The following PXDNL variants were observed in gnomAD, a reference collection of about 807,000 sequenced individuals.
PXDNL encodes the protein probable oxidoreductase PXDNL.
PXDNL carries 145 observed loss-of-function variants against 150.8 expected under a neutral mutation model. That is an observed-to-expected ratio of 0.96 (90% CI 0.84 to 1.10). PXDNL has a LOEUF of 1.10. Among genes scored for constraint, PXDNL ranks in the 50% least tolerant of loss-of-function variants. The pLI, the probability that PXDNL is intolerant of heterozygous loss-of-function variation, is 0.00. For synonymous variants in PXDNL, 757 were observed against 725.7 expected, an observed-to-expected ratio of 1.04 and a Z score of -0.69; for missense variants, 2,087 against 1,873.9, an observed-to-expected ratio of 1.11 and a Z score of -2.10.
chr8:51,452,528 A>C (rs1359066012), intron 10 of PXDNL, among the ~76,000 whole-genome samples: 2 of 152,186 alleles, frequency 1.3e-5, no homozygotes, highest in African/African-American at 4.8e-5. Context: ...ATGCAGGAAG[A>C]CTAGGCTGGA....
At chr8:51,429,221 C>T (rs2129783410) in intron 12 of PXDNL, among the ~76,000 whole-genome samples, 1 of 152,246 alleles carries the variant, frequency 6.6e-6, no homozygotes, top group East Asian at 1.9e-4. Context: ...ATTACTCATA[C>T]ATTGTTGGTG....
intron 21 of PXDNL, among the ~76,000 whole-genome samples, chr8:51,337,241 T>C (rs970763181): frequency 6.6e-6 from 1 of 152,180 alleles, no homozygotes; most frequent in Non-Finnish European, 1.5e-5. Flanking sequence ...AAATACACAA[T>C]TATCACCACC....
At position 51,345,805 on chromosome 8, in the gene PXDNL, T is replaced by G. The variant is rs1010078593; in HGVS notation, c.4016+28A>C. The G allele has an allele frequency of 6.3e-6, 9 of 1,420,716 alleles. No homozygotes were observed. In the Admixed American group the frequency reaches 7.0e-5, roughly 11 times the overall value. 88.0% of individuals were successfully genotyped at this position (1,420,716 alleles called of 1,614,324 possible). On this transcript the variant is annotated intron_variant, in intron 20 of 22. Coordinates refer to ENST00000356297, the MANE Select transcript of PXDNL (RefSeq NM_144651.5). ...TGAAGCAAATCTATAGTAAGTTGCC[T>G]AAAGAAATGAGATATTTCTATACAT...
chr8:51,627,962 C>G (rs969323458), intron 2 of PXDNL, among the ~76,000 whole-genome samples: 3 of 152,152 alleles, frequency 2.0e-5, no homozygotes, highest in Non-Finnish European at 4.4e-5. Context: ...AAAGCAGCAG[C>G]CATTCCTCAA....
intron 19 of PXDNL, among the ~76,000 whole-genome samples, chr8:51,362,523 C>T (rs1359705902): frequency 6.6e-6 from 1 of 152,178 alleles, no homozygotes; most frequent in African/African-American, 2.4e-5. Flanking sequence ...ACAAGTCAAA[C>T]CTTTTTTAAA....
chr8:51,485,763 T>C (rs1001304585), intron 5 of PXDNL, among the ~76,000 whole-genome samples: 8 of 152,184 alleles, frequency 5.3e-5, no homozygotes, highest in African/African-American at 1.9e-4. Flanking sequence ...CCTATACCTA[T>C]CACCATGGTC....
intron 2 of PXDNL, among the ~76,000 whole-genome samples, chr8:51,617,013 C>G (rs1231819112): frequency 6.6e-6 from 1 of 151,978 alleles, no homozygotes; most frequent in Non-Finnish European, 1.5e-5. Flanking sequence ...AGAATCAGAA[C>G]CTGCAGATTC....
rs142879615 is a variant in PXDNL at position 51,699,542 on chromosome 8, G to A, written c.165-44782C>T. 4.9e-4 allele frequency among the ~76,000 whole-genome samples: 74 copies of A among 152,296 alleles called. 1 individual carries two copies. Among genetic ancestry groups the A allele is most frequent in the African/African-American group, 1.1e-3 (47 of 41,558 alleles). On this transcript the variant is annotated intron_variant, in intron 1 of 22. Coordinates refer to ENST00000356297, the MANE Select transcript of PXDNL (RefSeq NM_144651.5). ...CAATAAGGCTGTTTCGCTTATTCAT[G>A]TGTTCACTGGAGTAGCACTTTTAGT...
intron 4 of PXDNL, among the ~76,000 whole-genome samples, chr8:51,551,098 A>C (rs1812470578): frequency 6.8e-6 from 1 of 146,924 alleles, no homozygotes; most frequent in Non-Finnish European, 1.5e-5. Flanking sequence ...AACAAACAAA[A>C]ACCTTACGAA....
At chr8:51,339,859 T>C in intron 20 of PXDNL, 106 bp from the exon 21 acceptor site, 1 of 1,069,924 alleles carries the variant, frequency 9.3e-7, no homozygotes, top group Non-Finnish European at 1.3e-6. Context: ...CAAGGCATTG[T>C]GATTGGTGTT....
intron 17 of PXDNL, among the ~76,000 whole-genome samples, chr8:51,401,037 C>T (rs1002479651): frequency 5.3e-5 from 8 of 152,168 alleles, no homozygotes; most frequent in African/African-American, 1.9e-4. Context: ...GTGCTAGGCC[C>T]TGGACTGAAC....
intron 3 of PXDNL, among the ~76,000 whole-genome samples, chr8:51,562,715 C>T (rs1477465731): frequency 1.3e-5 from 2 of 151,920 alleles, no homozygotes; most frequent in Non-Finnish European, 2.9e-5. Flanking sequence ...AGAGTCTGTA[C>T]CCTCATTTCC....
At chr8:51,338,307 G>A (rs1454311969) in intron 21 of PXDNL, among the ~76,000 whole-genome samples, 1 of 152,036 alleles carries the variant, frequency 6.6e-6, no homozygotes, top group African/African-American at 2.4e-5. Flanking sequence ...GCTTCCCAAT[G>A]TGAGCCTCTC....
At chr8:51,574,225 C>A (rs78373891) in intron 3 of PXDNL, among the ~76,000 whole-genome samples, 3,424 of 151,808 alleles carry the variant, frequency 0.023, 128 homozygotes, top group African/African-American at 0.076. Flanking sequence ...ATATAAAAAA[C>A]ACCCAAACAG....
In PXDNL at chr8:51,632,567, C is replaced by T. The variant is rs191883446; in HGVS notation, c.236+22122G>A. 2.6e-5 allele frequency among the ~76,000 whole-genome samples: 4 copies of T among 152,192 alleles called. No individual in the cohort carries two copies. The East Asian group carries it at 7.7e-4, about 29-fold the overall frequency. Reference sequence around the variant, plus strand: ...CAGTGAACTATGATTGCATTACTGCCTGGGCAACAGAATGAGACCCTATCT... The same window carrying T: ...CAGTGAACTATGATTGCATTACTGCTTGGGCAACAGAATGAGACCCTATCT... On this transcript the variant is annotated intron_variant, in intron 2 of 22. Transcript: ENST00000356297.
intron 2 of PXDNL, among the ~76,000 whole-genome samples, chr8:51,593,073 T>C (rs1395390440): frequency 6.6e-6 from 1 of 152,140 alleles, no homozygotes; most frequent in Non-Finnish European, 1.5e-5. Flanking sequence ...GGCTTAAGCA[T>C]CTTCCTTGGA....
chr8:51,507,959 G>A (rs936443726), intron 4 of PXDNL, among the ~76,000 whole-genome samples: 6 of 152,202 alleles, frequency 3.9e-5, no homozygotes, highest in African/African-American at 1.4e-4. Context: ...CTGCCATGTG[G>A]AGCCTCAATT....
At chr8:51,371,270 A>C (rs537786956) in intron 19 of PXDNL, among the ~76,000 whole-genome samples, 1 of 152,360 alleles carries the variant, frequency 6.6e-6, no homozygotes, top group African/African-American at 2.4e-5. Context: ...TTTGAGCCAC[A>C]CTTTCATCAA....
intron 1 of PXDNL, among the ~76,000 whole-genome samples, chr8:51,748,036 G>A (rs182680641): frequency 6.6e-4 from 101 of 152,280 alleles, no homozygotes; most frequent in African/African-American, 2.2e-3. Context: ...AGTGGTAAAT[G>A]AGTTAATATA....
Sources: gnomAD v4.1 joint callset for allele counts (sites outside exome capture counted in the v4.1 genomes callset) on GRCh38, gnomAD v4.1.1 for gene constraint, MANE v1.5 for transcripts, NCBI Gene and HGNC (gene_info 2026-07-23, HGNC 2026-07-21) for gene names.